Variants in ACER3 observed in about 807,000 individuals in gnomAD.
ACER3 encodes the protein alkaline ceramidase 3.
In ACER3, 16 loss-of-function variants were observed where a neutral mutation model predicts 48.9. The ratio of observed to expected loss-of-function variants is 0.33; its 90% CI spans 0.22 to 0.50. The LOEUF (loss-of-function observed/expected upper bound fraction) is 0.50, where lower values mean the gene tolerates loss of function less well. Among genes scored for constraint, ACER3 ranks in the 20% least tolerant of loss-of-function variants. ACER3 has a pLI of 0.98. For synonymous variants in ACER3, 109 were observed against 107.8 expected (o/e 1.01, Z -0.07); for missense variants, 227 against 326.0 (o/e 0.70, Z 2.34).
chr11:76,869,133 T>G (rs1945176607), intron 1 of ACER3, among the ~76,000 whole-genome samples: 1 of 152,234 alleles, frequency 6.6e-6, no homozygotes, highest in African/African-American at 2.4e-5. Context: ...GACTGAGCCC[T>G]CAACCTGTAG....
chr11:76,903,087 T>C (rs1253596261), intron 1 of ACER3, among the ~76,000 whole-genome samples: 1 of 152,232 alleles, frequency 6.6e-6, no homozygotes, highest in African/African-American at 2.4e-5. Flanking sequence ...ACATACCTTT[T>C]TCTTAATTTT....
chr11:76,907,968 G>C (rs951104605), intron 1 of ACER3, among the ~76,000 whole-genome samples: 1 of 152,218 alleles, frequency 6.6e-6, no homozygotes, highest in Non-Finnish European at 1.5e-5. Flanking sequence ...GGGCACAGTG[G>C]CTGACGCCTG....
rs1012699377 is a variant in ACER3 at position 76,965,092 on chromosome 11, A to C, written c.267+6061A>C. Reference sequence around the variant, plus strand: ...AATAAGATGAATGGCTAACTAGAATAACCAATGCAGAGAGGTCCTTAAAGG... The same window carrying C: ...AATAAGATGAATGGCTAACTAGAATCACCAATGCAGAGAGGTCCTTAAAGG... On this transcript the variant is annotated intron_variant, in intron 3 of 10. Coordinates refer to ENST00000532485, the MANE Select transcript of ACER3 (RefSeq NM_018367.7). 2.0e-5 allele frequency among the ~76,000 whole-genome samples: 3 copies of C among 151,358 alleles called. No individual in the cohort carries two copies. In the East Asian group the frequency reaches 5.8e-4, roughly 29 times the overall value.
rs782389315 is a variant in ACER3, at chr11:77,016,783, G to T, written c.704+4G>T. On this transcript the variant is annotated splice_donor_region_variant and intron_variant, in intron 9 of 10. Coordinates refer to ENST00000532485, the MANE Select transcript of ACER3 (RefSeq NM_018367.7). ...CCTATCTTCACATCCTTTTCAGGTAGGAAATAGAGACTTTTTTAGCCTCGT... is the reference window on the plus strand; with the variant it reads ...CCTATCTTCACATCCTTTTCAGGTATGAAATAGAGACTTTTTTAGCCTCGT... The T allele has an allele frequency of 6.6e-7, 1 of 1,524,538 alleles. No homozygotes were observed. The highest frequency in any genetic ancestry group is 1.9e-5 in the Admixed American group (1 of 52,970). 94.4% of individuals were successfully genotyped at this position (1,524,538 alleles called of 1,614,324 possible).
At chr11:76,962,381 C>T (rs1013128077) in intron 3 of ACER3, among the ~76,000 whole-genome samples, 5 of 150,788 alleles carry the variant, frequency 3.3e-5, no homozygotes, top group East Asian at 1.9e-4. Context: ...CACCATGCCT[C>T]GCTAATTTTT....
intron 9 of ACER3, among the ~76,000 whole-genome samples, chr11:77,019,275 A>G (rs1034996573): frequency 6.6e-6 from 1 of 152,206 alleles, no homozygotes; most frequent in African/African-American, 2.4e-5. Context: ...CCTGACCAAC[A>G]TGGTGAAACC....
intron 4 of ACER3, chr11:76,978,599 T>C (rs1250691142): frequency 6.6e-6 from 1 of 152,362 alleles, no homozygotes; most frequent in Non-Finnish European, 1.5e-5. Context: ...GACAAGAACT[T>C]AGGACTTGCC....
chr11:76,992,614 G>A lies in ACER3; in HGVS notation c.438+2040G>A, dbSNP rs540259596. The stretch of plus-strand genomic sequence containing the variant: ...CAGGATAGAGAAATGAAGAAATAAG[G>A]GAATGCTAGAGTGAAGCAAATAAGT... On this transcript the variant is annotated intron_variant, in intron 6 of 10. Transcript: ENST00000532485. Among the ~76,000 whole-genome samples the A allele has an allele frequency of 5.3e-5, 8 of 152,180 alleles. No homozygotes were observed. In the South Asian group the frequency reaches 1.5e-3, roughly 28 times the overall value.
At position 76,950,292 on chromosome 11, in the gene ACER3, A is replaced by G. The variant is rs559444037; in HGVS notation, c.215-8687A>G. Reference sequence around the variant, plus strand: ...TACCATAAGCCGGAGTAGAGTCTAAAGTTTATTCTAAGAGCAATGGAAAGC... The same window carrying G: ...TACCATAAGCCGGAGTAGAGTCTAAGGTTTATTCTAAGAGCAATGGAAAGC... On this transcript the variant is annotated intron_variant, in intron 2 of 10. Coordinates refer to ENST00000532485, the MANE Select transcript of ACER3 (RefSeq NM_018367.7). 1.2e-3 allele frequency among the ~76,000 whole-genome samples: 168 copies of G among 141,580 alleles called. 1 individual carries two copies. Among genetic ancestry groups the G allele is most frequent in the African/African-American group, 4.1e-3 (163 of 39,680 alleles). 92.9% of individuals were successfully genotyped at this position (141,580 alleles called of 152,430 possible). A position where few individuals can be genotyped will look rare whatever the true frequency, so the allele number is the denominator to read the frequency against.
At chr11:76,911,712 T>G (rs1946383009) in intron 1 of ACER3, among the ~76,000 whole-genome samples, 3 of 152,202 alleles carry the variant, frequency 2.0e-5, no homozygotes, top group Admixed American at 1.3e-4. Flanking sequence ...TCTCATTCCT[T>G]ATATACTTGG....
rs1481076130 is a variant in ACER3, at chr11:76,879,457, A to G, written c.103+18378A>G. Among the ~76,000 whole-genome samples the G allele has an allele frequency of 7.2e-5, 11 of 152,232 alleles. No homozygotes were observed. The East Asian group carries it at 1.9e-3, about 27-fold the overall frequency. On this transcript the variant is annotated intron_variant, in intron 1 of 10. Coordinates refer to ENST00000532485, the MANE Select transcript of ACER3 (RefSeq NM_018367.7). ...TGCTTGTGCTATTGCACTGGCTAGGACCTCCAGGGCAATGTTGAGTAGAAA... is the reference window on the plus strand; with the variant it reads ...TGCTTGTGCTATTGCACTGGCTAGGGCCTCCAGGGCAATGTTGAGTAGAAA...
At chr11:76,906,234 A>T (rs1257295351) in intron 1 of ACER3, among the ~76,000 whole-genome samples, 1 of 152,244 alleles carries the variant, frequency 6.6e-6, no homozygotes, top group Non-Finnish European at 1.5e-5. Flanking sequence ...GATTAGGATT[A>T]TGGGAGGGGC....
rs546518545 is a variant in ACER3, at chr11:76,962,482, G to A, written c.267+3451G>A. Among the ~76,000 whole-genome samples the A allele has an allele frequency of 1.9e-4, 29 of 151,348 alleles. 1 individual carries two copies. The highest frequency in any genetic ancestry group is 7.1e-4 in the African/African-American group (29 of 40,652). ...TGATCCACCCACCTGGCCTCCCAAA[G>A]TGCTGGGAATACAGGCGTGAGCCAC... is the stretch of plus-strand genomic sequence containing the variant. On this transcript the variant is annotated intron_variant, in intron 3 of 10. Transcript: ENST00000532485.
At chr11:76,964,856 A>G (rs1948096580) in intron 3 of ACER3, among the ~76,000 whole-genome samples, 1 of 151,246 alleles carries the variant, frequency 6.6e-6, no homozygotes, top group African/African-American at 2.5e-5. Flanking sequence ...AACCATGAAG[A>G]TGGGAAAAAA....
chr11:77,016,760 T>C lies in ACER3; in HGVS notation c.685T>C (p.Tyr229His). Residue 229 changes from tyrosine to histidine, a missense_variant, in exon 9 of 11, where the codon TAT becomes CAT. Physicochemically the swap from Tyr to His is moderately conservative, Grantham distance 83 (BLOSUM62 2). Transcript: ENST00000532485. The stretch of plus-strand genomic sequence containing the variant: ...GCATATTTTAACTGGCCTTGGTTCC[T>C]ATCTTCACATCCTTTTCAGGTAGGA... ...WWHILTGLGS[Y>H]LHILFSLYTR... is the part of the protein sequence containing the mutation. 4 of 1,588,498 alleles carry C rather than the reference T, an allele frequency of 2.5e-6. No individual in the cohort carries two copies. Among genetic ancestry groups the C allele is most frequent in the Non-Finnish European group, 3.4e-6 (4 of 1,162,600 alleles).
intron 2 of ACER3, chr11:76,957,515 C>T (rs1426735257): frequency 8.9e-6 from 4 of 448,262 alleles, no homozygotes; most frequent in Non-Finnish European, 1.8e-5. Flanking sequence ...ACAATCTCGG[C>T]TCACTGCAAC....
At chr11:76,874,255 A>G (rs1312352876) in intron 1 of ACER3, among the ~76,000 whole-genome samples, 2 of 152,200 alleles carry the variant, frequency 1.3e-5, no homozygotes, top group East Asian at 3.8e-4. Flanking sequence ...CTTATCAAAT[A>G]TCATTTTTCT....
chr11:76,932,340 T>A (rs1219746461), intron 2 of ACER3, among the ~76,000 whole-genome samples: 1 of 152,184 alleles, frequency 6.6e-6, no homozygotes. Context: ...CTTCTAATTA[T>A]CCCAAAACTG....
chr11:76,961,601 A>G (rs1272770902), intron 3 of ACER3, among the ~76,000 whole-genome samples: 2 of 151,718 alleles, frequency 1.3e-5, no homozygotes, highest in Non-Finnish European at 2.9e-5. Flanking sequence ...TATGCCAGAA[A>G]AAATGGAAAG....
Sources: gnomAD v4.1 joint callset for allele counts (sites outside exome capture counted in the v4.1 genomes callset) on GRCh38, gnomAD v4.1.1 for gene constraint, MANE v1.5 for transcripts, NCBI Gene and HGNC (gene_info 2026-07-23, HGNC 2026-07-21) for gene names.